The following EPC1 variants were observed in gnomAD, a reference collection of about 807,000 sequenced individuals.
The protein encoded by EPC1 is enhancer of polycomb 1, also known as enhancer of polycomb homolog 1.
A neutral mutation model predicts 98.4 loss-of-function variants in EPC1; 12 were observed. The ratio of observed to expected loss-of-function variants is 0.12; its 90% CI spans 0.08 to 0.20. EPC1 has a LOEUF of 0.20. Ranked by LOEUF, EPC1 falls within the 10% of genes least tolerant of loss-of-function variation. The pLI is 1.00. For synonymous variants in EPC1, 357 were observed against 363.9 expected (o/e 0.98, Z 0.21); for missense variants, 729 against 990.5 (o/e 0.74, Z 3.54).
At chr10:32,355,755 C>A (rs568994413) in intron 1 of EPC1, among the ~76,000 whole-genome samples, 1 of 151,914 alleles carries the variant, frequency 6.6e-6, no homozygotes, top group Admixed American at 6.6e-5. Flanking sequence ...GGACTACAGG[C>A]GTGCGCCACC....
intron 1 of EPC1, among the ~76,000 whole-genome samples, chr10:32,335,981 C>CTA (rs1361523162): frequency 3.3e-5 from 5 of 152,140 alleles, no homozygotes; most frequent in African/African-American, 1.2e-4. Context: ...TACCACTTTT[C>CTA]TACCATTCAT....
rs539145761 is a variant in EPC1 at position 32,377,374 on chromosome 10, G to T, written c.3+1117C>A. 4 of 152,178 alleles carry T rather than the reference G, an allele frequency of 2.6e-5. No individual in the cohort carries two copies. The South Asian group carries it at 6.2e-4, about 24-fold the overall frequency. The allele number at this position is 152,178 out of a possible 1,614,324, so 9.4% of individuals were successfully genotyped here. On this transcript the variant is annotated intron_variant, in intron 1 of 13. Coordinates refer to the EPC1 transcript ENST00000375110. ...TGAAGGAACTAAAACTCAGACATTT[G>T]GTTAAATTGAAAATACACTAACACA...
chr10:32,309,638 T>C (rs1188722617), intron 1 of EPC1, among the ~76,000 whole-genome samples: 1 of 150,682 alleles, frequency 6.6e-6, no homozygotes, highest in African/African-American at 2.4e-5. Context: ...GGCGGATCAC[T>C]TGAGCCCAGG....
intron 1 of EPC1, among the ~76,000 whole-genome samples, chr10:32,332,247 G>T (rs559193848): frequency 2.6e-5 from 4 of 152,296 alleles, no homozygotes; most frequent in South Asian, 4.1e-4. Context: ...AACAGATAGA[G>T]GAAAGGAAAA....
chr10:32,286,738 T>C lies in EPC1; in HGVS notation c.1347A>G (p.Gln449=). The C allele has an allele frequency of 6.2e-7, 1 of 1,614,132 alleles. No homozygotes were observed. The highest frequency in any genetic ancestry group is 1.1e-5 in the South Asian group (1 of 91,070). ...RYCLTTLTVP[Q]RCIGFARRRV... is the part of the protein sequence containing the mutation. ...GTCTTCGTGCAAATCCAATACACCTTTGGGGTACGGTGAGAGTAGTTAAGC... is the reference window on the plus strand; with the variant it reads ...GTCTTCGTGCAAATCCAATACACCTCTGGGGTACGGTGAGAGTAGTTAAGC... The change falls in exon 9 of 14, where the codon CAA becomes CAG. Residue 449 remains glutamine (Q), a synonymous_variant. Transcript: ENST00000319778.
chr10:32,348,146 A>G (rs1838977403), upstream of EPC1, among the ~76,000 whole-genome samples: 1 of 152,228 alleles, frequency 6.6e-6, no homozygotes, highest in Admixed American at 6.5e-5. Context: ...ATTGAATCAT[A>G]TAAAGACCTG....
intron 1 of EPC1, among the ~76,000 whole-genome samples, chr10:32,311,051 C>T (rs912967604): frequency 1.3e-5 from 2 of 152,164 alleles, no homozygotes; most frequent in Non-Finnish European, 2.9e-5. Context: ...TGGCTCACGC[C>T]TGTAATCCCA....
At chr10:32,299,565 T>C (rs3029534) in intron 2 of EPC1, among the ~76,000 whole-genome samples, 87 of 138,744 alleles carry the variant, frequency 6.3e-4, no homozygotes, top group African/African-American at 2.2e-3. Flanking sequence ...TCATCATCAT[T>C]ATTATTATTA....
chr10:32,275,124 T>C (rs2132649598), intron 10 of EPC1, among the ~76,000 whole-genome samples: 1 of 152,390 alleles, frequency 6.6e-6, no homozygotes, highest in South Asian at 2.1e-4. Flanking sequence ...TGTCTATGTA[T>C]TAAAGTCCAT....
chr10:32,378,505 A>G, exon 1 of EPC1: 1 of 1,545,382 alleles, frequency 6.5e-7, no homozygotes, highest in Non-Finnish European at 8.7e-7. Flanking sequence ...AGTGCAGGCA[A>G]AGAAGACGGC....
intron 1 of EPC1, among the ~76,000 whole-genome samples, chr10:32,315,383 G>T (rs1427736795): frequency 1.3e-5 from 2 of 152,018 alleles, no homozygotes; most frequent in Non-Finnish European, 2.9e-5. Flanking sequence ...CCTAAACAAA[G>T]ATTAAATTAT....
At position 32,346,787 on chromosome 10, in the gene EPC1, G is replaced by A. The variant is rs377655013; in HGVS notation, c.129C>T (p.Thr43=). 6.2e-7 allele frequency: 1 copy of A among 1,614,120 alleles called. No homozygotes were observed. The highest frequency in any genetic ancestry group is 8.5e-7 in the Non-Finnish European group (1 of 1,179,992). ...SINRAVPQMP[T]GMEKEEESEH... ...CCGACTCCTCTTCCTTCTCCATTCC[G>A]GTGGGCATCTGCGGCACGGCCCTGT... Residue 43 remains threonine, a synonymous_variant, in exon 1 of 14, where the codon ACC becomes ACT. Transcript: ENST00000319778.
chr10:32,298,307 T>A (rs918893164), intron 2 of EPC1, among the ~76,000 whole-genome samples: 1 of 152,192 alleles, frequency 6.6e-6, no homozygotes, highest in African/African-American at 2.4e-5. Flanking sequence ...TCGGTGAGTA[T>A]GTCCATAACT....
chr10:32,340,960 C>G (rs992689787), intron 1 of EPC1, among the ~76,000 whole-genome samples: 1 of 152,150 alleles, frequency 6.6e-6, no homozygotes. Context: ...CTTCAGTGTT[C>G]CAAAAGTCTA....
Position 32,286,984 on chromosome 10 carries a change from T to C in EPC1, c.1184A>G (p.Asp395Gly). The C allele has an allele frequency of 1.9e-6, 3 of 1,614,188 alleles. No individual in the cohort carries two copies. The highest frequency in any genetic ancestry group is 2.5e-6 in the Non-Finnish European group (3 of 1,180,032). The change falls in exon 8 of 14, where the codon GAC (aspartate) becomes GGC (glycine). Residue 395 changes from aspartate to glycine, a missense_variant. Asp to Gly is a moderately conservative substitution (Grantham distance 94). This residue lies in a region of EPC1 where 390 missense variants were observed against 438.6 expected (regional missense o/e 0.89). Transcript: ENST00000319778. ...VLSGSSEAEE[D>G]NDPDGPFAFR... ...AGCAAAAGGACCATCAGGATCATTG[T>C]CTTCCTCAGCTTCCGAAGAGCCAGA...
At chr10:32,315,870 C>T (rs190501638) in intron 1 of EPC1, among the ~76,000 whole-genome samples, 1 of 152,312 alleles carries the variant, frequency 6.6e-6, no homozygotes, top group Non-Finnish European at 1.5e-5. Context: ...CAAGTCAGGT[C>T]ATGTCATTCT....
intron 1 of EPC1, among the ~76,000 whole-genome samples, chr10:32,336,291 AACTCCTGAGCTCGTGATCC>A (rs1837965384): frequency 1.1e-5 from 1 of 93,940 alleles, no homozygotes; most frequent in Non-Finnish European, 2.4e-5. Context: ...GCTGGTCTCG[AACTCCTGAGCTCGTGATCC>A]ACCTGCCTCG....
intron 11 of EPC1, 94 bp from the exon 12 acceptor site, chr10:32,272,261 A>G (rs1459140814): frequency 9.2e-7 from 1 of 1,085,584 alleles, no homozygotes; most frequent in Non-Finnish European, 1.3e-6. Context: ...GTTTGAATAT[A>G]AGTAAAAATG....
chr10:32,319,557 A>G (rs1460959617), intron 1 of EPC1, among the ~76,000 whole-genome samples: 1 of 152,228 alleles, frequency 6.6e-6, no homozygotes, highest in Non-Finnish European at 1.5e-5. Context: ...TGGAAATGCA[A>G]AACTTCAATA....
Sources: allele counts gnomAD v4.1 joint callset (sites outside exome capture counted in the v4.1 genomes callset), GRCh38; gene constraint gnomAD v4.1.1; regional missense constraint gnomAD v4.1.1; transcripts MANE v1.5; gene names NCBI Gene and HGNC (gene_info 2026-07-23, HGNC 2026-07-21).